IL36G: variants seen among roughly 807,000 people sequenced by gnomAD.
The protein encoded by IL36G is interleukin 36 gamma.
A neutral mutation model predicts 13.5 loss-of-function variants in IL36G; 10 were observed. The observed-to-expected ratio is 0.74, with a 90% CI of 0.46 to 1.26. The LOEUF is 1.26. Among genes scored for constraint, IL36G ranks in the 50% most tolerant of loss-of-function variants. IL36G has a pLI of 0.00. For synonymous variants in IL36G, 84 were observed against 74.0 expected, an observed-to-expected ratio of 1.13 and a Z score of -0.69; for missense variants, 199 against 203.0, an observed-to-expected ratio of 0.98 and a Z score of 0.12.
intron 1 of IL36G, 29 bp from the exon 2 acceptor site, chr2:112,978,591 G>A (rs1458936974): frequency 1.3e-6 from 2 of 1,567,230 alleles, no homozygotes; most frequent in South Asian, 1.1e-5. Flanking sequence ...ATCTCTTGTG[G>A]TTCATCTGTT....
chr2:112,984,481 C>T (rs965392191), intron 4 of IL36G, among the ~76,000 whole-genome samples: 14 of 152,172 alleles, frequency 9.2e-5, no homozygotes, highest in Non-Finnish European at 4.4e-5. Context: ...TAGTGACTCT[C>T]ACTGTTGTGG....
chr2:112,979,347 TC>T, intron 3 of IL36G, 22 bp downstream of exon 3: 1 of 1,408,062 alleles, frequency 7.1e-7, no homozygotes, highest in Non-Finnish European at 1.0e-6. Flanking sequence ...CCCTGTGCCT[TC>T]CCCACTGTTT....
At position 112,985,069 on chromosome 2, in the gene IL36G, G is replaced by A. The variant is rs745751702; in HGVS notation, c.*20G>A. The A allele has an allele frequency of 8.9e-6, 14 of 1,574,728 alleles. No individual in the cohort carries two copies. Among genetic ancestry groups the A allele is most frequent in the Non-Finnish European group, 9.6e-6 (11 of 1,147,724 alleles). On this transcript the variant is annotated 3_prime_UTR_variant, in exon 5 of 5. Coordinates refer to ENST00000259205, the MANE Select transcript of IL36G (RefSeq NM_019618.4). ...GACTGAACTCAGCCTAGAGGTGGCA[G>A]CTTGGTCTTTGTCTTAAAGTTTCTG...
chr2:112,979,389 C>A, intron 3 of IL36G, 64 bp downstream of exon 3: 3 of 973,448 alleles, frequency 3.1e-6, no homozygotes, highest in Middle Eastern at 2.5e-4. Flanking sequence ...CTGGCATCAG[C>A]CTTTTGTAAA....
chr2:112,981,019 A>T (rs1182480548), intron 4 of IL36G: 1 of 591,756 alleles, frequency 1.7e-6, no homozygotes, highest in Admixed American at 2.8e-5. Flanking sequence ...CCCTAAAAAC[A>T]ACAATGAAGT....
chr2:112,979,344 C>T lies in IL36G; in HGVS notation c.160+19C>T, dbSNP rs1684221803. The T allele has an allele frequency of 1.4e-6, 2 of 1,425,856 alleles. No homozygotes were observed. The highest frequency in any genetic ancestry group is 2.8e-5 in the African/African-American group (2 of 71,208). 88.3% of individuals were successfully genotyped at this position (1,425,856 alleles called of 1,614,324 possible). A position where few individuals can be genotyped will look rare whatever the true frequency, so the allele number is the denominator to read the frequency against. The stretch of plus-strand genomic sequence containing the variant: ...ACCCCAGGTGAGTGGTCACCCTGTG[C>T]CTTCCCCACTGTTTGCACTGCTGTG... On this transcript the variant is annotated intron_variant, in intron 3 of 4. Transcript: ENST00000259205.
intron 4 of IL36G, among the ~76,000 whole-genome samples, chr2:112,982,818 G>A (rs2105013432): frequency 6.6e-6 from 1 of 152,242 alleles, no homozygotes; most frequent in Middle Eastern, 3.4e-3. Context: ...GCTGTAGTGG[G>A]GGCAAAAGCC....
intron 4 of IL36G, chr2:112,981,147 C>A: frequency 9.4e-7 from 1 of 1,061,766 alleles, no homozygotes; most frequent in South Asian, 1.2e-5. Context: ...ACACAGTTAT[C>A]AAAAATGCAC....
Position 112,980,100 on chromosome 2 carries a change from G to A in IL36G, c.252G>A (p.Met84Ile). The A allele has an allele frequency of 6.2e-7, 1 of 1,614,118 alleles. No homozygotes were observed. The highest frequency in any genetic ancestry group is 1.1e-5 in the South Asian group (1 of 91,062). ...PIYLGIQNPE[M>I]CLYCEKVGEQ... ...ATTTGGGAATCCAGAATCCAGAAAT[G>A]TGTTTGTATTGTGAGAAGGTTGGAG... The change falls in exon 4 of 5, where the codon ATG becomes ATA. Residue 84 changes from methionine to isoleucine, a missense_variant. Transcript: ENST00000259205.
At chr2:112,979,836 T>TATGAATGAATGAATGAATGAATGA (rs3075080) in intron 3 of IL36G, among the ~76,000 whole-genome samples, 173 bp from the exon 4 acceptor site, 1 of 151,426 alleles carries the variant, frequency 6.6e-6, no homozygotes, top group Admixed American at 6.6e-5. Context: ...TGGCACATGG[T>TATGAATGAATGAATGAATGAATGA]ATGAATGAAT....
intron 4 of IL36G, among the ~76,000 whole-genome samples, chr2:112,982,401 C>T (rs1405457319): frequency 6.6e-6 from 1 of 152,174 alleles, no homozygotes; most frequent in African/African-American, 2.4e-5. Context: ...TGCAAGGACT[C>T]AGCCTTGCAA....
intron 4 of IL36G, among the ~76,000 whole-genome samples, chr2:112,981,989 G>C (rs967805851): frequency 5.3e-5 from 8 of 152,184 alleles, no homozygotes; most frequent in African/African-American, 1.9e-4. Flanking sequence ...CTAGCACTGC[G>C]TAGATGCTTG....
At chr2:112,984,811 C>T (rs1255528247) in intron 4 of IL36G, 29 bp from the exon 5 acceptor site, 5 of 1,565,212 alleles carry the variant, frequency 3.2e-6, no homozygotes, top group Admixed American at 1.7e-5. Flanking sequence ...TTCTGTTTCT[C>T]CTAATGGGTA....
rs1342501083 is a variant in IL36G, at chr2:112,985,272, C to T, written c.*223C>T. ...GAGAGCTGGGTGGTATAAGGCTGTC[C>T]TCTCAAGCTGGTGCTGTGTAGGCCA... On this transcript the variant is annotated 3_prime_UTR_variant, in exon 5 of 5. Transcript: ENST00000259205. The T allele has an allele frequency of 3.8e-6, 2 of 524,238 alleles. No individual in the cohort carries two copies. The highest frequency in any genetic ancestry group is 3.8e-5 in the African/African-American group (2 of 52,352). 32.5% of individuals were successfully genotyped at this position (524,238 alleles called of 1,614,324 possible). A position where few individuals can be genotyped will look rare whatever the true frequency, so the allele number is the denominator to read the frequency against.
chr2:112,984,714 G>A (rs1684322998), intron 4 of IL36G, 126 bp from the exon 5 acceptor site: 1 of 768,284 alleles, frequency 1.3e-6, no homozygotes, highest in African/African-American at 1.7e-5. Context: ...TGTTTCTCTA[G>A]GCCTGCTCTA....
intron 4 of IL36G, chr2:112,981,516 C>T: frequency 1.9e-6 from 1 of 531,658 alleles, no homozygotes; most frequent in Non-Finnish European, 3.4e-6. Flanking sequence ...GGGGGCTGTT[C>T]TTGCCTCTTC....
Position 112,979,215 on chromosome 2 carries a change from A to C in IL36G, c.56-6A>C, listed in dbSNP as rs1684218313. 1 of 1,562,638 alleles carries C rather than the reference A, an allele frequency of 6.4e-7. No individual in the cohort carries two copies. Among genetic ancestry groups the C allele is most frequent in the African/African-American group, 1.4e-5 (1 of 73,888 alleles). On this transcript the variant is annotated splice_region_variant and splice_polypyrimidine_tract_variant and intron_variant, in intron 2 of 4. Transcript: ENST00000259205. ...TTCTTCATTTTTTTCTCTATCCCAA[A>C]ATCAGTGTGTAAACCTATTACTGGG...
rs199911001 is a variant in IL36G at position 112,984,878 on chromosome 2, C to T, written c.339C>T (p.Pro113=). Residue 113 remains proline (P), a synonymous_variant, in exon 5 of 5, where the codon CCC becomes CCT. Coordinates refer to ENST00000259205, the MANE Select transcript of IL36G (RefSeq NM_019618.4). ...KIMDLYGQPE[P]VKPFLFYRAK... The stretch of plus-strand genomic sequence containing the variant: ...TGGATCTGTATGGCCAACCCGAGCC[C>T]GTGAAACCCTTCCTTTTCTACCGTG... 117 of 1,614,132 alleles carry T rather than the reference C, an allele frequency of 7.2e-5. No homozygotes were observed. In the East Asian group the frequency reaches 1.6e-3, roughly 22 times the overall value.
intron 4 of IL36G, among the ~76,000 whole-genome samples, chr2:112,983,091 C>T (rs1019594614): frequency 6.6e-6 from 1 of 152,052 alleles, no homozygotes; most frequent in African/African-American, 2.4e-5. Flanking sequence ...CAGATAGGAC[C>T]TTTCACCCAG....
Sources: allele counts gnomAD v4.1 joint callset (sites outside exome capture counted in the v4.1 genomes callset), GRCh38; gene constraint gnomAD v4.1.1; transcripts MANE v1.5; gene names NCBI Gene and HGNC (gene_info 2026-07-23, HGNC 2026-07-21).